Variants in KYAT1 observed in about 807,000 individuals in gnomAD.
The protein encoded by KYAT1 is kynurenine--oxoglutarate transaminase 1.
Under a neutral mutation model 52.4 loss-of-function variants are expected in KYAT1, and 47 were observed. The ratio of observed to expected loss-of-function variants is 0.90; its 90% confidence interval spans 0.71 to 1.14. KYAT1 has a LOEUF of 1.14. Among genes scored for constraint, KYAT1 ranks in the 50% most tolerant of loss-of-function variants. The pLI is 0.00. For missense variants in KYAT1, 480 were observed against 557.9 expected, an observed-to-expected ratio of 0.86 and a Z score of 1.41; for synonymous variants, 212 against 209.6, an observed-to-expected ratio of 1.01 and a Z score of -0.10.
At chr9:128,834,730 G>A (rs1329787349) in intron 11 of KYAT1, among the ~76,000 whole-genome samples, 1 of 150,520 alleles carries the variant, frequency 6.6e-6, no homozygotes. Flanking sequence ...TACTCAGGAG[G>A]CTAAGGGAGG....
rs1316959909 is a variant in KYAT1 at position 128,838,208 on chromosome 9, G to A, written c.351+10C>T. 1.9e-6 allele frequency: 3 copies of A among 1,614,148 alleles called. No homozygotes were observed. Among genetic ancestry groups the A allele is most frequent in the South Asian group, 2.2e-5 (2 of 91,084 alleles). On this transcript the variant is annotated intron_variant, in intron 4 of 12. Coordinates refer to ENST00000302586, the MANE Select transcript of KYAT1 (RefSeq NM_004059.5). ...CTCAGTCCCACTCAGCCCAAGTCTT[G>A]CCCACTCACCTCGTCTCCTTCGTCC...
chr9:128,871,495 G>C (rs955555451), intron 1 of KYAT1, among the ~76,000 whole-genome samples: 3 of 152,078 alleles, frequency 2.0e-5, no homozygotes, highest in African/African-American at 2.4e-5. Context: ...GAGGACTGGA[G>C]CTCAGGATTT....
intron 1 of KYAT1, among the ~76,000 whole-genome samples, chr9:128,873,497 C>A (rs1319029317): frequency 6.6e-6 from 1 of 151,928 alleles, no homozygotes; most frequent in African/African-American, 2.4e-5. Flanking sequence ...GGGCCAGGCG[C>A]GATGGCTCAC....
chr9:128,877,295 C>A (rs1430483050), intron 1 of KYAT1, among the ~76,000 whole-genome samples: 1 of 152,160 alleles, frequency 6.6e-6, no homozygotes, highest in Non-Finnish European at 1.5e-5. Flanking sequence ...GGCCTAGCCC[C>A]ACCTGTACCT....
intron 1 of KYAT1, chr9:128,846,864 G>A (rs766397672): frequency 6.5e-7 from 1 of 1,533,926 alleles, no homozygotes; most frequent in Non-Finnish European, 8.7e-7. Context: ...CACCTGCTGT[G>A]GTCAATAGTG....
chr9:128,873,117 CA>C (rs940285353), intron 1 of KYAT1, among the ~76,000 whole-genome samples: 12 of 146,092 alleles, frequency 8.2e-5, no homozygotes, highest in Non-Finnish European at 1.5e-5. Context: ...TTAAATTGTG[CA>C]AAGAGAACTT....
chr9:128,841,948 G>C (rs1410382089), intron 3 of KYAT1: 1 of 154,076 alleles, frequency 6.5e-6, no homozygotes, highest in Non-Finnish European at 1.4e-5. Flanking sequence ...TGAGGTACAG[G>C]CTGCAGTGAG....
At chr9:128,850,523 A>AG (rs989887759) in intron 1 of KYAT1, among the ~76,000 whole-genome samples, 110 of 152,182 alleles carry the variant, frequency 7.2e-4, no homozygotes, top group African/African-American at 2.6e-3. Flanking sequence ...TCAATAAACC[A>AG]GGGGCACAAT....
In KYAT1 at chr9:128,847,584, G is replaced by A. The variant is rs149418283; in HGVS notation, c.-6-2173C>T. On this transcript the variant is annotated intron_variant, in intron 1 of 12. Transcript: ENST00000302586. ...TTTCCAGAGGCAGGGGAGAAGGGAG[G>A]AAACAGCCCTGGCCAGAAAATGCCT... 5.4e-3 allele frequency: 7,104 copies of A among 1,327,154 alleles called. 26 individuals are homozygous for A. Among genetic ancestry groups the A allele is most frequent in the Non-Finnish European group, 6.6e-3 (6,399 of 967,442 alleles). The allele number at this position is 1,327,154 out of a possible 1,614,324, so 82.2% of individuals were successfully genotyped here. A position where few individuals can be genotyped will look rare whatever the true frequency, so the allele number is the denominator to read the frequency against.
At chr9:128,851,181 T>C (rs1833909379) in intron 1 of KYAT1, among the ~76,000 whole-genome samples, 1 of 152,140 alleles carries the variant, frequency 6.6e-6, no homozygotes, top group Admixed American at 6.6e-5. Context: ...CTTTTCTCAG[T>C]CTCTCATCCC....
intron 3 of KYAT1, 71 bp downstream of exon 3, chr9:128,842,583 G>T: frequency 1.4e-6 from 2 of 1,479,184 alleles, no homozygotes; most frequent in Non-Finnish European, 1.9e-6. Context: ...TGACAGCTGT[G>T]TGGGCTTGAA....
chr9:128,850,511 T>C (rs1223829537), intron 1 of KYAT1, among the ~76,000 whole-genome samples: 2 of 152,104 alleles, frequency 1.3e-5, no homozygotes, highest in Non-Finnish European at 2.9e-5. Context: ...CATTCTCTAG[T>C]CTCAATAAAC....
At position 128,857,836 on chromosome 9, in the gene KYAT1, AAAAC is replaced by A. The variant is rs368549221; in HGVS notation, c.-6-12429_-6-12426del. Among the ~76,000 whole-genome samples, 1,265 of 152,328 alleles carry A rather than the reference AAAAC, an allele frequency of 8.3e-3. 16 individuals carry two copies. Among genetic ancestry groups the A allele is most frequent in the African/African-American group, 0.029 (1,208 of 41,564 alleles). The stretch of plus-strand genomic sequence containing the variant: ...GGGCGACACAGCGAGACTCCGTCTC[AAAAC>A]AAACAAACAAACAAAAAACAAAACT... On this transcript the variant is annotated intron_variant, in intron 1 of 12. Transcript: ENST00000302586.
At chr9:128,849,394 G>A (rs572901764) in intron 1 of KYAT1, among the ~76,000 whole-genome samples, 18 of 96,416 alleles carry the variant, frequency 1.9e-4, no homozygotes, top group Non-Finnish European at 2.9e-4. Flanking sequence ...CTGGGTGACA[G>A]AGCAAGTCAC....
At chr9:128,861,799 G>C (rs1311761257) in intron 1 of KYAT1, among the ~76,000 whole-genome samples, 1 of 152,236 alleles carries the variant, frequency 6.6e-6, no homozygotes, top group Admixed American at 6.5e-5. Context: ...CCCAGGGCTG[G>C]TCATGGGAGG....
chr9:128,865,366 T>A (rs1386049764), intron 1 of KYAT1, among the ~76,000 whole-genome samples: 1 of 76,546 alleles, frequency 1.3e-5, no homozygotes, highest in Admixed American at 1.2e-4. Context: ...TATATTTTTT[T>A]TTTTTTTTTT....
chr9:128,835,911 T>C, intron 8 of KYAT1, 43 bp from the exon 9 acceptor site: 2 of 1,609,322 alleles, frequency 1.2e-6, no homozygotes, highest in Admixed American at 3.3e-5. Context: ...CTTCCAGACC[T>C]GGCTAAAGCC....
chr9:128,873,535 C>T (rs1033905809), intron 1 of KYAT1, among the ~76,000 whole-genome samples: 18 of 151,970 alleles, frequency 1.2e-4, no homozygotes, highest in African/African-American at 3.6e-4. Context: ...TTTGGGAGGC[C>T]GGTAGGCAGG....
In KYAT1 at chr9:128,835,972, T is replaced by C. The variant is rs758922624; in HGVS notation, c.765+25A>G. On this transcript the variant is annotated intron_variant, in intron 8 of 12. Coordinates refer to ENST00000302586, the MANE Select transcript of KYAT1 (RefSeq NM_004059.5). ...TTGCCAAGGATCTTGCAGGGGGTGG[T>C]GACCTCCCACCCTCAGCAACTCACC... is the stretch of plus-strand genomic sequence containing the variant. 3.1e-6 allele frequency: 5 copies of C among 1,597,152 alleles called. No homozygotes were observed. In the African/African-American group the frequency reaches 5.4e-5, roughly 17 times the overall value.
Sources: allele counts gnomAD v4.1 joint callset (sites outside exome capture counted in the v4.1 genomes callset), GRCh38; gene constraint gnomAD v4.1.1; transcripts MANE v1.5; gene names NCBI Gene and HGNC (gene_info 2026-07-23, HGNC 2026-07-21).